Variants in RAB3C observed in about 807,000 individuals in gnomAD.
RAB3C encodes RAB3C, member RAS oncogene family, also known as ras-related protein Rab-3C.
In RAB3C, 17 loss-of-function variants were observed where a neutral mutation model predicts 26.4. The observed-to-expected ratio is 0.64, with a 90% CI of 0.44 to 0.97. The LOEUF (loss-of-function observed/expected upper bound fraction) is 0.97, where lower values mean the gene tolerates loss of function less well. RAB3C is among the 50% of genes least tolerant of loss of function. RAB3C has a pLI of 0.00. For synonymous variants in RAB3C, 91 were observed against 95.9 expected (o/e 0.95, Z 0.30); for missense variants, 242 against 281.9 (o/e 0.86, Z 1.01).
chr5:58,606,348 G>A (rs1746569709), intron 1 of RAB3C, among the ~76,000 whole-genome samples: 1 of 152,160 alleles, frequency 6.6e-6, no homozygotes, highest in Admixed American at 6.5e-5. Flanking sequence ...TGGGGGAGGG[G>A]CATCCACCAT....
At chr5:58,725,011 G>A (rs1740857365) in intron 2 of RAB3C, among the ~76,000 whole-genome samples, 1 of 151,814 alleles carries the variant, frequency 6.6e-6, no homozygotes, top group Admixed American at 6.6e-5. Context: ...GTTTGTCTAT[G>A]CGCTTAATTT....
chr5:58,799,221 T>G (rs1204249840), intron 3 of RAB3C, among the ~76,000 whole-genome samples: 3 of 152,170 alleles, frequency 2.0e-5, no homozygotes, highest in African/African-American at 7.2e-5. Context: ...CAACTTACTT[T>G]GAAATAGATC....
At chr5:58,582,979 T>G (rs894741059), upstream of RAB3C, 51 of 1,235,056 alleles carry the variant, frequency 4.1e-5, no homozygotes, top group Non-Finnish European at 5.2e-5. Flanking sequence ...CGCTCGCCCG[T>G]TTGCCGGGAA....
chr5:58,735,078 G>A (rs1174733879), intron 3 of RAB3C, among the ~76,000 whole-genome samples: 3 of 152,130 alleles, frequency 2.0e-5, no homozygotes, highest in East Asian at 1.9e-4. Flanking sequence ...TCTAACCCAC[G>A]TTTATTCTAT....
chr5:58,687,248 C>T (rs2111851768), intron 2 of RAB3C, among the ~76,000 whole-genome samples: 1 of 152,184 alleles, frequency 6.6e-6, no homozygotes, highest in African/African-American at 2.4e-5. Flanking sequence ...CATCTATTCC[C>T]CAAATCATAT....
At chr5:58,621,156 A>C (rs1032987515) in intron 2 of RAB3C, among the ~76,000 whole-genome samples, 1 of 152,230 alleles carries the variant, frequency 6.6e-6, no homozygotes, top group Non-Finnish European at 1.5e-5. Context: ...TAAGATCCAC[A>C]TCATCTTAGC....
intron 2 of RAB3C, among the ~76,000 whole-genome samples, chr5:58,685,513 A>T (rs528808938): frequency 6.6e-6 from 1 of 152,268 alleles, no homozygotes; most frequent in South Asian, 2.1e-4. Context: ...ACTAAATTAT[A>T]TCTGCAAATT....
chr5:58,839,740 T>C (rs1005858279), intron 4 of RAB3C, among the ~76,000 whole-genome samples: 1 of 152,188 alleles, frequency 6.6e-6, no homozygotes, highest in African/African-American at 2.4e-5. Flanking sequence ...AAGTTTTTAT[T>C]ATGTCATTTA....
At chr5:58,624,706 A>G (rs1327616258) in intron 2 of RAB3C, among the ~76,000 whole-genome samples, 1 of 152,190 alleles carries the variant, frequency 6.6e-6, no homozygotes, top group Non-Finnish European at 1.5e-5. Flanking sequence ...CCAAAGAGCA[A>G]TGTACAGTGG....
At chr5:58,836,258 T>G (rs1743744254) in intron 4 of RAB3C, among the ~76,000 whole-genome samples, 1 of 92,824 alleles carries the variant, frequency 1.1e-5, no homozygotes, top group Admixed American at 1.0e-4. Flanking sequence ...TTTTTAAAAT[T>G]AAATTAATTT....
intron 2 of RAB3C, among the ~76,000 whole-genome samples, chr5:58,658,002 T>C (rs994467988): frequency 3.3e-5 from 5 of 152,200 alleles, no homozygotes; most frequent in African/African-American, 1.2e-4. Context: ...AGAGTGATGA[T>C]AGCTCCAAAA....
At chr5:58,625,478 A>G (rs923193451) in intron 2 of RAB3C, among the ~76,000 whole-genome samples, 65 of 152,312 alleles carry the variant, frequency 4.3e-4, no homozygotes, top group African/African-American at 1.5e-3. Flanking sequence ...TTCCATCCAG[A>G]TTAATCTCTT....
At chr5:58,712,987 G>C (rs1181162166) in intron 2 of RAB3C, among the ~76,000 whole-genome samples, 1 of 152,088 alleles carries the variant, frequency 6.6e-6, no homozygotes, top group Non-Finnish European at 1.5e-5. Flanking sequence ...CTGACATGAA[G>C]GGATCAAAAA....
intron 2 of RAB3C, among the ~76,000 whole-genome samples, chr5:58,660,849 A>G (rs1204534667): frequency 6.7e-6 from 1 of 150,142 alleles, no homozygotes; most frequent in Middle Eastern, 3.2e-3. Flanking sequence ...CTTACCTGGC[A>G]TGGACTGAAA....
chr5:58,585,844 C>T (rs1200492170), intron 1 of RAB3C, among the ~76,000 whole-genome samples: 2 of 151,960 alleles, frequency 1.3e-5, no homozygotes, highest in Non-Finnish European at 2.9e-5. Context: ...ATCTTTATTT[C>T]CTTTCTAATC....
intron 3 of RAB3C, among the ~76,000 whole-genome samples, chr5:58,759,852 A>T (rs960496299): frequency 6.6e-6 from 1 of 152,216 alleles, no homozygotes; most frequent in African/African-American, 2.4e-5. Flanking sequence ...ATTAGTGATG[A>T]GTCATTTGGC....
intron 2 of RAB3C, among the ~76,000 whole-genome samples, chr5:58,683,477 G>A (rs1162798812): frequency 6.6e-6 from 1 of 152,060 alleles, no homozygotes; most frequent in Non-Finnish European, 1.5e-5. Flanking sequence ...TGAACACTGG[G>A]AATACAGGAA....
rs529461671 is a variant in RAB3C, at chr5:58,744,196, C to T, written c.371+18076C>T. ...TTCTGAGGCAGGGGTTTGTTGTAGA[C>T]ATTGTCTCAAGATGAGAAAGACAGA... is the stretch of plus-strand genomic sequence containing the variant. On this transcript the variant is annotated intron_variant, in intron 3 of 4. Coordinates refer to ENST00000282878, the MANE Select transcript of RAB3C (RefSeq NM_138453.4). Among the ~76,000 whole-genome samples the T allele has an allele frequency of 3.3e-5, 5 of 152,300 alleles. No individual in the cohort carries two copies. The South Asian group carries it at 6.2e-4, about 19-fold the overall frequency.
At chr5:58,677,457 G>A (rs1748252263) in intron 2 of RAB3C, among the ~76,000 whole-genome samples, 1 of 152,112 alleles carries the variant, frequency 6.6e-6, no homozygotes, top group Non-Finnish European at 1.5e-5. Context: ...CTCATCTGAA[G>A]TTCACCTGAA....
Sources: gnomAD v4.1 joint callset for allele counts (sites outside exome capture counted in the v4.1 genomes callset) on GRCh38, gnomAD v4.1.1 for gene constraint, MANE v1.5 for transcripts, NCBI Gene and HGNC (gene_info 2026-07-23, HGNC 2026-07-21) for gene names.